SPAST: variants seen among roughly 807,000 people sequenced by gnomAD.
The protein encoded by SPAST is spastic paraplegia 4 (autosomal dominant; spastin).
A neutral mutation model predicts 76.6 loss-of-function variants in SPAST; 30 were observed. The ratio of observed to expected loss-of-function variants is 0.39; its 90% CI spans 0.29 to 0.53. The LOEUF (loss-of-function observed/expected upper bound fraction) is 0.53, where lower values mean the gene tolerates loss of function less well. Among genes scored for constraint, SPAST ranks in the 20% least tolerant of loss-of-function variants. The pLI, the probability that SPAST is intolerant of heterozygous loss-of-function variation, is 0.68. For missense variants in SPAST, 717 were observed against 770.5 expected (o/e 0.93, Z 0.82); for synonymous variants, 305 against 281.0 (o/e 1.09, Z -0.86).
intron 3 of SPAST, among the ~76,000 whole-genome samples, chr2:32,093,481 CAAAACA>C (rs1677803076): frequency 1.3e-5 from 2 of 152,116 alleles, no homozygotes; most frequent in Non-Finnish European, 2.9e-5. Flanking sequence ...GACTTTGTCT[CAAAACA>C]AAAACAAACA....
intron 4 of SPAST, among the ~76,000 whole-genome samples, chr2:32,105,367 A>G (rs981976758): frequency 2.0e-5 from 3 of 152,082 alleles, no homozygotes; most frequent in Non-Finnish European, 2.9e-5. Flanking sequence ...TCTTTTTTCA[A>G]GGTTTTTAGC....
intron 1 of SPAST, among the ~76,000 whole-genome samples, chr2:32,076,809 A>G (rs1244702178): frequency 2.0e-5 from 3 of 151,454 alleles, no homozygotes; most frequent in African/African-American, 7.3e-5. Flanking sequence ...TGATCTTCCC[A>G]CTTCAGACTC....
intron 7 of SPAST, among the ~76,000 whole-genome samples, chr2:32,118,562 T>G (rs529971737): frequency 2.0e-5 from 3 of 152,254 alleles, no homozygotes; most frequent in Non-Finnish European, 4.4e-5. Context: ...AGACTAAATA[T>G]TGAAAAAAAA....
At chr2:32,142,650 C>CGG (rs1679756927) in intron 13 of SPAST, among the ~76,000 whole-genome samples, 1 of 152,088 alleles carries the variant, frequency 6.6e-6, no homozygotes, top group Non-Finnish European at 1.5e-5. Context: ...CCCTCCTCAG[C>CGG]CTCCCAAAGT....
chr2:32,077,634 C>T (rs1558615963), intron 1 of SPAST, among the ~76,000 whole-genome samples: 1 of 152,180 alleles, frequency 6.6e-6, no homozygotes, highest in African/African-American at 2.4e-5. Context: ...TCTTTGCCTT[C>T]TAACTCACAT....
intron 15 of SPAST, among the ~76,000 whole-genome samples, chr2:32,145,580 T>A (rs1314226742): frequency 2.6e-5 from 4 of 152,250 alleles, no homozygotes; most frequent in Non-Finnish European, 4.4e-5. Flanking sequence ...TCTGGCTCTT[T>A]TCAGTATTCT....
chr2:32,101,587 C>G (rs1211049366), intron 4 of SPAST, among the ~76,000 whole-genome samples: 1 of 152,182 alleles, frequency 6.6e-6, no homozygotes, highest in Non-Finnish European at 1.5e-5. Flanking sequence ...AGATTTTCTT[C>G]TAGGGTTTTT....
chr2:32,130,886 G>A (rs79810125), intron 9 of SPAST, among the ~76,000 whole-genome samples: 2,591 of 152,190 alleles, frequency 0.017, 30 homozygotes, highest in Middle Eastern at 0.027. Flanking sequence ...CTATGTCTTC[G>A]GAACAGACAT....
intron 9 of SPAST, among the ~76,000 whole-genome samples, chr2:32,132,944 G>T (rs1679419330): frequency 6.6e-6 from 1 of 152,158 alleles, no homozygotes; most frequent in Admixed American, 6.5e-5. Flanking sequence ...TACTCGGGAG[G>T]CTGAGGCAGG....
At chr2:32,131,318 C>G (rs1361717031) in intron 9 of SPAST, among the ~76,000 whole-genome samples, 1 of 152,180 alleles carries the variant, frequency 6.6e-6, no homozygotes. Flanking sequence ...GCACCACTTG[C>G]ACCTCATTTT....
At chr2:32,087,645 A>T (rs1677539528) in intron 2 of SPAST, 67 bp downstream of exon 2, 3 of 624,230 alleles carry the variant, frequency 4.8e-6, no homozygotes, top group Non-Finnish European at 8.0e-6. Flanking sequence ...CAGATTTCAG[A>T]TCTATTTATT....
intron 3 of SPAST, among the ~76,000 whole-genome samples, chr2:32,091,035 G>A (rs1030594589): frequency 2.0e-5 from 3 of 151,800 alleles, no homozygotes; most frequent in East Asian, 1.9e-4. Flanking sequence ...GTTTGATGGC[G>A]TAGGTTTTAA....
chr2:32,102,585 A>G (rs1359693041), intron 4 of SPAST, among the ~76,000 whole-genome samples: 1 of 152,242 alleles, frequency 6.6e-6, no homozygotes, highest in East Asian at 1.9e-4. Flanking sequence ...TTGCCCATTC[A>G]GTATGATATT....
intron 1 of SPAST, among the ~76,000 whole-genome samples, chr2:32,082,143 C>A (rs1303460979): frequency 1.3e-5 from 2 of 150,566 alleles, no homozygotes; most frequent in African/African-American, 2.4e-5. Context: ...CAGGCACCCA[C>A]CCCCACGCCC....
chr2:32,133,623 A>G (rs1679440775), intron 9 of SPAST, among the ~76,000 whole-genome samples: 1 of 151,850 alleles, frequency 6.6e-6, no homozygotes, highest in Admixed American at 6.6e-5. Flanking sequence ...TTTTTCTTAT[A>G]TGTTCGAACA....
intron 8 of SPAST, chr2:32,127,489 T>C (rs1679234983): frequency 6.1e-6 from 1 of 163,304 alleles, no homozygotes; most frequent in Non-Finnish European, 1.3e-5. Context: ...TTATCTTCAG[T>C]AGTGTGTTTT....
chr2:32,084,955 C>A (rs1055243093), intron 1 of SPAST, among the ~76,000 whole-genome samples: 3 of 148,038 alleles, frequency 2.0e-5, no homozygotes, highest in Non-Finnish European at 3.0e-5. Flanking sequence ...AAAGGAACTT[C>A]TTTTGTATCT....
At chr2:32,100,320 CTT>C (rs77790719) in intron 4 of SPAST, among the ~76,000 whole-genome samples, 36 of 128,032 alleles carry the variant, frequency 2.8e-4, no homozygotes, top group African/African-American at 6.5e-4. Flanking sequence ...TTATTGGTTA[CTT>C]TTTTTTTTTT....
At chr2:32,147,468 C>T (rs1679930901) in intron 16 of SPAST, among the ~76,000 whole-genome samples, 1 of 147,076 alleles carries the variant, frequency 6.8e-6, no homozygotes, top group Non-Finnish European at 1.5e-5. Flanking sequence ...AGGCATGTAC[C>T]ACCAAGCCCA....
Sources: allele counts gnomAD v4.1 joint callset (sites outside exome capture counted in the v4.1 genomes callset), GRCh38; gene constraint gnomAD v4.1.1; transcripts MANE v1.5; gene names NCBI Gene and HGNC (gene_info 2026-07-23, HGNC 2026-07-21).